Variants in PITPNA observed in about 807,000 individuals in gnomAD.
The protein encoded by PITPNA is phosphatidylinositol transfer protein alpha isoform.
In PITPNA, 13 loss-of-function variants were observed where a neutral mutation model predicts 50.3. That is an observed-to-expected ratio of 0.26 (90% CI 0.17 to 0.41). The LOEUF (loss-of-function observed/expected upper bound fraction) is 0.41. Ranked by LOEUF, PITPNA falls within the 10% of genes least tolerant of loss-of-function variation. The probability of loss-of-function intolerance (pLI) is 1.00; values close to 1 mark genes in which losing one functional copy is unlikely to be tolerated. For synonymous variants in PITPNA, 120 were observed against 119.6 expected (o/e 1.00, Z -0.02); for missense variants, 207 against 333.4 (o/e 0.62, Z 2.95).
intron 1 of PITPNA, among the ~76,000 whole-genome samples, chr17:1,560,413 C>G (rs151031190): frequency 7.6e-4 from 116 of 152,320 alleles, no homozygotes; most frequent in African/African-American, 2.7e-3. Flanking sequence ...GCTCCTCCCC[C>G]GTCCCCCGCC....
chr17:1,541,780 G>A (rs1374203654), intron 5 of PITPNA, 140 bp from the exon 6 acceptor site: 1 of 718,344 alleles, frequency 1.4e-6, no homozygotes, highest in African/African-American at 1.7e-5. Flanking sequence ...CAGTTAACTT[G>A]ACTGGGAGCC....
At chr17:1,526,299 C>T (rs770975465) in intron 10 of PITPNA, among the ~76,000 whole-genome samples, 3 of 152,164 alleles carry the variant, frequency 2.0e-5, no homozygotes, top group South Asian at 2.1e-4. Flanking sequence ...ACGCCAAAAT[C>T]GCGGAAGTTC....
At chr17:1,521,767 C>T (rs2075514226) in intron 10 of PITPNA, 122 bp from the exon 11 acceptor site, 6 of 755,342 alleles carry the variant, frequency 7.9e-6, no homozygotes, top group South Asian at 7.3e-5. Context: ...ACTGGAAGGA[C>T]GGAAGAATTC....
intron 2 of PITPNA, among the ~76,000 whole-genome samples, chr17:1,557,557 G>A (rs2075741601): frequency 6.6e-6 from 1 of 152,188 alleles, no homozygotes. Context: ...CGCCAGGAGA[G>A]GAGAGTGGAA....
In PITPNA at chr17:1,535,132, C is replaced by A. The variant is rs760366973; in HGVS notation, c.645+50G>T. 5.1e-6 allele frequency: 6 copies of A among 1,170,188 alleles called. No homozygotes were observed. In the Admixed American group the frequency reaches 8.7e-5, roughly 17 times the overall value. 72.5% of individuals were successfully genotyped at this position (1,170,188 alleles called of 1,614,324 possible). On this transcript the variant is annotated intron_variant, in intron 9 of 11. Transcript: ENST00000313486. ...ATGGATGAAGTTCTCCACCACCCCCCCACAACACACACACGCAGTCACTGG... is the reference window on the plus strand; with the variant it reads ...ATGGATGAAGTTCTCCACCACCCCCACACAACACACACACGCAGTCACTGG...
At chr17:1,559,325 T>C (rs369773309) in intron 1 of PITPNA, among the ~76,000 whole-genome samples, 1 of 152,194 alleles carries the variant, frequency 6.6e-6, no homozygotes, top group Admixed American at 6.5e-5. Context: ...TTGCTGGAGA[T>C]GCCACCAGCA....
intron 1 of PITPNA, chr17:1,559,735 G>A: frequency 1.0e-6 from 1 of 982,138 alleles, no homozygotes; most frequent in South Asian, 4.7e-5. Flanking sequence ...AGGACACAGA[G>A]GGGTCTGAGG....
rs975028117 is a variant in PITPNA, at chr17:1,520,283, A to G, written c.*278T>C. 2 of 152,606 alleles carry G rather than the reference A, an allele frequency of 1.3e-5. No individual in the cohort carries two copies. The highest frequency in any genetic ancestry group is 2.9e-5 in the Non-Finnish European group (2 of 68,040). 9.5% of individuals were successfully genotyped at this position (152,606 alleles called of 1,614,324 possible). ...ACACACAGAAATGGATCGGAACACA[A>G]TGGAGAGAGACGGAGGCGCTGTAAC... On this transcript the variant is annotated 3_prime_UTR_variant, in exon 12 of 12. Coordinates refer to ENST00000313486, the MANE Select transcript of PITPNA (RefSeq NM_006224.4).
intron 3 of PITPNA, among the ~76,000 whole-genome samples, chr17:1,549,483 A>G (rs2075696886): frequency 6.8e-6 from 1 of 146,298 alleles, no homozygotes; most frequent in Non-Finnish European, 1.5e-5. Flanking sequence ...CGCCCGGCTA[A>G]TTTTTTGTAT....
In PITPNA at chr17:1,522,088, G is replaced by A. The variant is rs544623642; in HGVS notation, c.769-443C>T. ...TGAAACATCTTTTTTTTTTTGAGAC[G>A]GAGTCTCGCTCTGCCGCCCAGGCCG... On this transcript the variant is annotated intron_variant, in intron 10 of 11. Coordinates refer to ENST00000313486, the MANE Select transcript of PITPNA (RefSeq NM_006224.4). Among the ~76,000 whole-genome samples the A allele has an allele frequency of 7.9e-5, 9 of 114,282 alleles. No homozygotes were observed. In the South Asian group the frequency reaches 8.9e-4, roughly 11 times the overall value. The allele number at this position is 114,282 out of a possible 152,430, so 75.0% of individuals were successfully genotyped here.
At chr17:1,541,729 T>C in intron 5 of PITPNA, 89 bp from the exon 6 acceptor site, 1 of 842,358 alleles carries the variant, frequency 1.2e-6, no homozygotes, top group Non-Finnish European at 2.0e-6. Context: ...CATTACTGGA[T>C]CATGGGCAGC....
chr17:1,522,956 C>T (rs576637238), intron 10 of PITPNA, among the ~76,000 whole-genome samples: 33 of 152,250 alleles, frequency 2.2e-4, no homozygotes, highest in African/African-American at 5.8e-4. Flanking sequence ...GAGGAGTTCC[C>T]GGCAGAGTAA....
chr17:1,556,943 AT>A (rs2075737868), intron 2 of PITPNA, among the ~76,000 whole-genome samples: 1 of 151,918 alleles, frequency 6.6e-6, no homozygotes. Flanking sequence ...TTTAAAATAA[AT>A]ATTATAAAAT....
At chr17:1,554,484 TCTCCTGC>T (rs532259026) in intron 2 of PITPNA, among the ~76,000 whole-genome samples, 50 of 149,692 alleles carry the variant, frequency 3.3e-4, no homozygotes, top group African/African-American at 1.2e-3. Context: ...TTCAAGTGAT[TCTCCTGC>T]CTCCTGCCTC....
At chr17:1,536,517 C>G (rs952338304) in intron 7 of PITPNA, among the ~76,000 whole-genome samples, 1 of 152,030 alleles carries the variant, frequency 6.6e-6, no homozygotes, top group African/African-American at 2.4e-5. Context: ...TCTCGATCTC[C>G]TGACCTCGTG....
At chr17:1,560,707 A>G (rs1744095927) in intron 1 of PITPNA, among the ~76,000 whole-genome samples, 2 of 152,226 alleles carry the variant, frequency 1.3e-5, no homozygotes, top group South Asian at 4.1e-4. Context: ...GTCAGTCTGG[A>G]CACTGAAGAT....
At chr17:1,555,368 A>C (rs1218422815) in intron 2 of PITPNA, among the ~76,000 whole-genome samples, 1 of 152,228 alleles carries the variant, frequency 6.6e-6, no homozygotes, top group Non-Finnish European at 1.5e-5. Context: ...ACTGGCCTGC[A>C]CAAGCTACAA....
chr17:1,543,609 G>A (rs749626031), intron 4 of PITPNA, among the ~76,000 whole-genome samples: 13 of 152,090 alleles, frequency 8.5e-5, no homozygotes, highest in Non-Finnish European at 1.5e-4. Context: ...GAGACCGCCC[G>A]GTTCATTCTG....
intron 10 of PITPNA, among the ~76,000 whole-genome samples, chr17:1,533,030 AG>A (rs1219221593): frequency 2.0e-5 from 3 of 152,248 alleles, no homozygotes; most frequent in African/African-American, 7.2e-5. Flanking sequence ...CAGCATGGGC[AG>A]CATGGGCGCC....
Sources: allele counts gnomAD v4.1 joint callset (sites outside exome capture counted in the v4.1 genomes callset), GRCh38; gene constraint gnomAD v4.1.1; transcripts MANE v1.5; gene names NCBI Gene and HGNC (gene_info 2026-07-23, HGNC 2026-07-21).